Variants in RNF145 observed in about 807,000 individuals in gnomAD.
RNF145 encodes ring finger protein 145.
In RNF145, 12 loss-of-function variants were observed where a neutral mutation model predicts 57.3. The observed-to-expected ratio is 0.21, with a 90% CI of 0.13 to 0.34. The LOEUF is 0.34. RNF145 is among the 10% of genes least tolerant of loss of function. The pLI, the probability that RNF145 is intolerant of heterozygous loss-of-function variation, is 1.00. For synonymous variants in RNF145, 262 were observed against 288.3 expected (o/e 0.91, Z 0.92); for missense variants, 429 against 799.0 (o/e 0.54, Z 5.58).
chr5:159,174,193 A>G, intron 5 of RNF145, 35 bp from the exon 6 acceptor site: 1 of 1,459,644 alleles, frequency 6.9e-7, no homozygotes, highest in Non-Finnish European at 9.4e-7. Flanking sequence ...AACTTCTTGC[A>G]TCACCATCAA....
At position 159,158,915 on chromosome 5, in the gene RNF145, GGGA is replaced by G. The variant is rs1467923251; in HGVS notation, c.1744_1746del (p.Ser582del). The G allele has an allele frequency of 5.0e-6, 8 of 1,613,806 alleles. No homozygotes were observed. Among genetic ancestry groups the G allele is most frequent in the Non-Finnish European group, 6.8e-6 (8 of 1,179,870 alleles). ...GGCTCAGTTCCTAATCCTGGAAGCT[GGGA>G]GGAGTTTTTCAGATGGCAGTGGCAC... On this transcript the variant is annotated inframe_deletion, in exon 11 of 11. Coordinates refer to ENST00000424310, the MANE Select transcript of RNF145 (RefSeq NM_001199383.2).
intron 8 of RNF145, among the ~76,000 whole-genome samples, chr5:159,165,731 A>T (rs545331259): frequency 0.13 from 741 of 5,584 alleles, 209 homozygotes; most frequent in African/African-American, 0.48. Flanking sequence ...AAAAAAAAAA[A>T]AATAATAATA....
chr5:159,188,366 C>T (rs990808666), intron 3 of RNF145, among the ~76,000 whole-genome samples: 1 of 151,828 alleles, frequency 6.6e-6, no homozygotes, highest in Non-Finnish European at 1.5e-5. Flanking sequence ...TGCACTCCAG[C>T]CTGGGCAACA....
At chr5:159,184,286 CTT>C (rs1161454067) in intron 3 of RNF145, among the ~76,000 whole-genome samples, 1 of 152,168 alleles carries the variant, frequency 6.6e-6, no homozygotes, top group East Asian at 1.9e-4. Flanking sequence ...TTTTTAAAAA[CTT>C]TGTCTTTCTT....
chr5:159,161,842 T>C (rs892832551), intron 9 of RNF145, among the ~76,000 whole-genome samples: 26 of 152,312 alleles, frequency 1.7e-4, no homozygotes, highest in Non-Finnish European at 3.4e-4. Flanking sequence ...AATCCAGGCA[T>C]AGAAAACAAA....
intron 9 of RNF145, 44 bp from the exon 10 acceptor site, chr5:159,161,666 T>A: frequency 8.7e-7 from 1 of 1,143,432 alleles, no homozygotes; most frequent in Non-Finnish European, 1.3e-6. Flanking sequence ...ATATGATCAC[T>A]AAGATACTTT....
intron 1 of RNF145, among the ~76,000 whole-genome samples, chr5:159,208,320 T>C (rs956468709): frequency 6.6e-6 from 1 of 152,208 alleles, no homozygotes; most frequent in African/African-American, 2.4e-5. Flanking sequence ...CCAAGGGTGC[T>C]GACTCTGTCG....
chr5:159,195,612 G>A (rs1013230657), intron 2 of RNF145, among the ~76,000 whole-genome samples: 1 of 152,132 alleles, frequency 6.6e-6, no homozygotes, highest in Non-Finnish European at 1.5e-5. Context: ...CTTTGGCTCT[G>A]TTCATATGGA....
intron 4 of RNF145, among the ~76,000 whole-genome samples, chr5:159,180,652 A>T (rs1171278194): frequency 6.6e-6 from 1 of 152,142 alleles, no homozygotes; most frequent in Non-Finnish European, 1.5e-5. Context: ...AAAAAGAAAC[A>T]AGTGAAATCA....
intron 3 of RNF145, among the ~76,000 whole-genome samples, chr5:159,189,919 G>T (rs1486931320): frequency 6.6e-6 from 1 of 152,142 alleles, no homozygotes; most frequent in African/African-American, 2.4e-5. Context: ...GAGGGTGGTG[G>T]GAAATAGACA....
upstream of RNF145, chr5:159,209,852 C>T: frequency 6.5e-7 from 1 of 1,536,082 alleles, no homozygotes; most frequent in Non-Finnish European, 8.7e-7. Context: ...CCCACACTCA[C>T]CTGCAGGGAC....
At chr5:159,164,301 G>C (rs571277099) in intron 8 of RNF145, among the ~76,000 whole-genome samples, 1 of 152,112 alleles carries the variant, frequency 6.6e-6, no homozygotes, top group Non-Finnish European at 1.5e-5. Flanking sequence ...GCTTTGCTTT[G>C]AGATTCAGCA....
At chr5:159,209,789 T>G (rs1786049989), upstream of RNF145, 1 of 1,460,076 alleles carries the variant, frequency 6.8e-7, no homozygotes, top group South Asian at 1.2e-5. Flanking sequence ...CAGGCGCCAT[T>G]CTGACACACG....
intron 1 of RNF145, chr5:159,207,711 G>C (rs1442063336): frequency 2.5e-6 from 4 of 1,612,002 alleles, no homozygotes; most frequent in Non-Finnish European, 3.4e-6. Context: ...AAATATAGCT[G>C]GTCCTCCCCA....
In RNF145 at chr5:159,194,698, A is replaced by G. The variant is rs755950359; in HGVS notation, c.293+18T>C. Reference sequence around the variant, plus strand: ...TTAAATTCAATCATACATTTCAAAAATGGGGTCATATTCTTACCTGGAAAT... The same window carrying G: ...TTAAATTCAATCATACATTTCAAAAGTGGGGTCATATTCTTACCTGGAAAT... On this transcript the variant is annotated intron_variant, in intron 3 of 10. Transcript: ENST00000424310. The G allele has an allele frequency of 1.4e-6, 2 of 1,399,536 alleles. No homozygotes were observed. The highest frequency in any genetic ancestry group is 1.2e-5 in the South Asian group (1 of 83,642). The allele number at this position is 1,399,536 out of a possible 1,614,324, so 86.7% of individuals were successfully genotyped here. A position where few individuals can be genotyped will look rare whatever the true frequency, so the allele number is the denominator to read the frequency against.
chr5:159,161,032 C>T (rs1784199540), intron 10 of RNF145: 2 of 423,674 alleles, frequency 4.7e-6, no homozygotes, highest in African/African-American at 4.1e-5. Flanking sequence ...TATGGGTGAG[C>T]AATAATGTTG....
intron 3 of RNF145, among the ~76,000 whole-genome samples, chr5:159,187,551 A>T (rs967991119): frequency 7.2e-5 from 11 of 152,010 alleles, no homozygotes; most frequent in African/African-American, 2.4e-4. Context: ...CTGGTCTCGA[A>T]TGCCTGACCT....
rs1382074659 is a variant in RNF145 at position 159,174,134 on chromosome 5, C to T, written c.646G>A (p.Ala216Thr). 5.6e-6 allele frequency: 9 copies of T among 1,611,148 alleles called. No homozygotes were observed. Among genetic ancestry groups the T allele is most frequent in the South Asian group, 2.2e-5 (2 of 90,588 alleles). The change falls in exon 6 of 11, where the codon GCC (alanine) becomes ACC (threonine). Residue 216 changes from alanine (A) to threonine (T), a missense_variant. Transcript: ENST00000424310. Reference sequence around the variant, plus strand: ...TGATTCCACAGGGACATTCCCAAGGCGAGAAGGCCATATACCTCCACTACC... The same window carrying T: ...TGATTCCACAGGGACATTCCCAAGGTGAGAAGGCCATATACCTCCACTACC... ...VQVVEVYGLL[A>T]LGMSLWNQLV...
Position 159,176,811 on chromosome 5 carries a change from G to A in RNF145, c.442C>T (p.Leu148=). Reference sequence around the variant, plus strand: ...AGAGGAAGCATGTGAGCTGAAAACAGCCAAATCTGCTTTGTTTTCATGACA... The same window carrying A: ...AGAGGAAGCATGTGAGCTGAAAACAACCAAATCTGCTTTGTTTTCATGACA... The part of the protein sequence containing the change: ...SCVMKTKQIW[L]FSAHMLPLLA... Residue 148 remains leucine, a synonymous_variant, in exon 5 of 11, where the codon CTG becomes TTG. Coordinates refer to ENST00000424310, the MANE Select transcript of RNF145 (RefSeq NM_001199383.2). The A allele has an allele frequency of 6.2e-7, 1 of 1,612,358 alleles. No homozygotes were observed. The highest frequency in any genetic ancestry group is 8.5e-7 in the Non-Finnish European group (1 of 1,178,868).
Sources: gnomAD v4.1 joint callset for allele counts (sites outside exome capture counted in the v4.1 genomes callset) on GRCh38, gnomAD v4.1.1 for gene constraint, MANE v1.5 for transcripts, NCBI Gene and HGNC (gene_info 2026-07-23, HGNC 2026-07-21) for gene names.